PTER: variants seen among roughly 807,000 people sequenced by gnomAD.
The protein encoded by PTER is N-acetyltaurine hydrolase.
Under a neutral mutation model 29.6 loss-of-function variants are expected in PTER, and 38 were observed. The observed-to-expected ratio is 1.28, with a 90% CI of 0.99 to 1.68. PTER has a LOEUF of 1.68. Ranked by LOEUF, PTER falls within the 40% of genes most tolerant of loss-of-function variation. The pLI, the probability that PTER is intolerant of heterozygous loss-of-function variation, is 0.00. For synonymous variants in PTER, 172 were observed against 154.5 expected, an observed-to-expected ratio of 1.11 and a Z score of -0.84; for missense variants, 482 against 427.8, an observed-to-expected ratio of 1.13 and a Z score of -1.12.
chr10:16,484,216 T>A lies in PTER; in HGVS notation c.-48-121T>A, dbSNP rs1040645925. On this transcript the variant is annotated intron_variant, in intron 1 of 4. Transcript: ENST00000535784. ...CAGGATTGTGAGATCGTATCTCTAG[T>A]TTTATTGATTTGCCTTCTTACATGG... The A allele has an allele frequency of 7.5e-5, 47 of 624,804 alleles. 1 individual carries two copies. The highest frequency in any genetic ancestry group is 6.2e-4 in the African/African-American group (34 of 54,614). 38.7% of individuals were successfully genotyped at this position (624,804 alleles called of 1,614,324 possible).
Position 16,442,534 on chromosome 10 carries a change from C to G in PTER, c.-49+5487C>G, listed in dbSNP as rs550164285. 1.4e-3 allele frequency among the ~76,000 whole-genome samples: 216 copies of G among 152,288 alleles called. 1 individual carries two copies. The highest frequency in any genetic ancestry group is 4.8e-3 in the African/African-American group (199 of 41,570). ...GCTGTAATCCCGGCACTTTGGGAGG[C>G]CAAGGCGGGAGGATTGCTTGAGCTC... is the stretch of plus-strand genomic sequence containing the variant. On this transcript the variant is annotated intron_variant, in intron 1 of 4. Coordinates refer to ENST00000535784, the MANE Select transcript of PTER (RefSeq NM_001261836.2).
intron 1 of PTER, chr10:16,437,622 G>C (rs576292051): frequency 3.3e-4 from 50 of 152,256 alleles, no homozygotes; most frequent in African/African-American, 1.2e-3. Context: ...GGCATTACAG[G>C]TCTATATTTT....
At chr10:16,481,344 A>T (rs751428193) in intron 1 of PTER, among the ~76,000 whole-genome samples, 5 of 151,706 alleles carry the variant, frequency 3.3e-5, no homozygotes, top group Non-Finnish European at 7.4e-5. Flanking sequence ...TGTTCTGTGA[A>T]CTCTCTTCTC....
chr10:16,518,848 G>A, the PTER span, among the ~76,000 whole-genome samples: 1 of 152,076 alleles, frequency 6.6e-6, no homozygotes, highest in Non-Finnish European at 1.5e-5. Flanking sequence ...CCTGCTGAGG[G>A]ACTGTTCATA....
chr10:16,454,907 A>T (rs1834340107), intron 1 of PTER, among the ~76,000 whole-genome samples: 1 of 152,182 alleles, frequency 6.6e-6, no homozygotes. Flanking sequence ...ATTAATGCAT[A>T]ATGAAAACTG....
chr10:16,455,306 C>T (rs999139243), intron 1 of PTER, among the ~76,000 whole-genome samples: 2 of 152,106 alleles, frequency 1.3e-5, no homozygotes, highest in Admixed American at 6.5e-5. Context: ...AAAAGAGAAA[C>T]TTCTGAGCAG....
intron 1 of PTER, among the ~76,000 whole-genome samples, chr10:16,457,597 G>C (rs1834457317): frequency 1.3e-5 from 2 of 150,478 alleles, no homozygotes; most frequent in Admixed American, 6.6e-5. Flanking sequence ...TTACTTCAAA[G>C]TACTTTGTTT....
At chr10:16,514,074 C>A (rs777699269), downstream of PTER, 1 of 370,988 alleles carries the variant, frequency 2.7e-6, no homozygotes, top group Non-Finnish European at 4.8e-6. Flanking sequence ...ATTAGACCTT[C>A]TCCTGCAGGG....
intron 2 of PTER, among the ~76,000 whole-genome samples, chr10:16,485,982 G>C (rs913694082): frequency 6.6e-5 from 10 of 152,216 alleles, no homozygotes; most frequent in Admixed American, 6.5e-4. Flanking sequence ...ACGGGACATA[G>C]ATTCAATTCA....
chr10:16,515,585 A>G (rs1259405763), downstream of PTER, among the ~76,000 whole-genome samples: 1 of 152,178 alleles, frequency 6.6e-6, no homozygotes, highest in African/African-American at 2.4e-5. Flanking sequence ...TAATCTGCCC[A>G]TGGTAAGCCT....
downstream of PTER, among the ~76,000 whole-genome samples, chr10:16,515,801 T>C (rs556729168): frequency 6.6e-6 from 1 of 152,288 alleles, no homozygotes; most frequent in East Asian, 1.9e-4. Context: ...TGTGGCTTGT[T>C]TCATTTCTAT....
intron 3 of PTER, among the ~76,000 whole-genome samples, chr10:16,489,821 T>A (rs1034406145): frequency 2.0e-5 from 3 of 152,210 alleles, no homozygotes; most frequent in Non-Finnish European, 4.4e-5. Context: ...TTTTTGTGAC[T>A]GTTTAAACTA....
At chr10:16,463,710 C>T (rs745570842) in intron 1 of PTER, among the ~76,000 whole-genome samples, 1 of 152,180 alleles carries the variant, frequency 6.6e-6, no homozygotes, top group Non-Finnish European at 1.5e-5. Flanking sequence ...GCCACCATGC[C>T]CGGCCAACGC....
intron 1 of PTER, among the ~76,000 whole-genome samples, chr10:16,452,593 G>A (rs114714364): frequency 0.039 from 5,849 of 151,826 alleles, 194 homozygotes; most frequent in African/African-American, 0.085. Flanking sequence ...ATGAACTACT[G>A]CGCCCAGCTG....
At chr10:16,488,887 T>C (rs893826042) in intron 3 of PTER, among the ~76,000 whole-genome samples, 1 of 152,206 alleles carries the variant, frequency 6.6e-6, no homozygotes, top group Admixed American at 6.5e-5. Context: ...TATAGGCATA[T>C]GCCATTGTAC....
intron 1 of PTER, among the ~76,000 whole-genome samples, chr10:16,462,872 C>G (rs1014830344): frequency 4.0e-5 from 6 of 151,224 alleles, no homozygotes; most frequent in Non-Finnish European, 8.8e-5. Flanking sequence ...TGCCCGGCCA[C>G]ATAATCTACT....
At chr10:16,466,929 TA>T (rs1315658554) in intron 1 of PTER, among the ~76,000 whole-genome samples, 2 of 152,242 alleles carry the variant, frequency 1.3e-5, no homozygotes, top group Non-Finnish European at 2.9e-5. Context: ...TTACTTCTTA[TA>T]AAGGAAGACC....
intron 1 of PTER, among the ~76,000 whole-genome samples, chr10:16,454,920 C>T (rs7092037): frequency 0.64 from 97,144 of 152,042 alleles, 32,524 homozygotes; most frequent in African/African-American, 0.84. Flanking sequence ...GAAAACTGTA[C>T]GAAATAAGTT....
intron 1 of PTER, chr10:16,476,156 T>A (rs1835252954): frequency 6.6e-6 from 1 of 152,192 alleles, no homozygotes; most frequent in Non-Finnish European, 1.5e-5. Flanking sequence ...CGGCCTTGGC[T>A]CACTACAACC....
Sources: gnomAD v4.1 joint callset for allele counts (sites outside exome capture counted in the v4.1 genomes callset) on GRCh38, gnomAD v4.1.1 for gene constraint, MANE v1.5 for transcripts, NCBI Gene and HGNC (gene_info 2026-07-23, HGNC 2026-07-21) for gene names.